RAB27A: variants seen among roughly 807,000 people sequenced by gnomAD.
RAB27A encodes ras-related protein Rab-27A.
RAB27A carries 17 observed loss-of-function variants against 20.8 expected under a neutral mutation model. The observed-to-expected ratio is 0.82, with a 90% CI of 0.56 to 1.23. RAB27A has a LOEUF of 1.23. Among genes scored for constraint, RAB27A ranks in the 50% most tolerant of loss-of-function variants. The pLI, the probability that RAB27A is intolerant of heterozygous loss-of-function variation, is 0.00. For synonymous variants in RAB27A, 85 were observed against 92.8 expected, an observed-to-expected ratio of 0.92 and a Z score of 0.48; for missense variants, 277 against 266.7, an observed-to-expected ratio of 1.04 and a Z score of -0.27.
intron 2 of RAB27A, among the ~76,000 whole-genome samples, chr15:55,299,751 ATGGGAC>A (rs989571034): frequency 5.3e-5 from 8 of 152,158 alleles, no homozygotes; most frequent in African/African-American, 1.9e-4. Context: ...AAGGACATTA[ATGGGAC>A]TTGGGAGAAT....
At chr15:55,274,082 A>C (rs1445753691) in intron 1 of RAB27A, among the ~76,000 whole-genome samples, 1 of 152,240 alleles carries the variant, frequency 6.6e-6, no homozygotes, top group East Asian at 1.9e-4. Context: ...ACTAGAAATC[A>C]ATAACAGGAA....
intron 2 of RAB27A, among the ~76,000 whole-genome samples, chr15:55,301,917 A>G (rs1262783869): frequency 1.3e-5 from 2 of 152,016 alleles, no homozygotes; most frequent in African/African-American, 4.8e-5. Context: ...AAGCATTGGG[A>G]TTATAGACAT....
intron 2 of RAB27A, among the ~76,000 whole-genome samples, chr15:55,311,128 A>C (rs2055018708): frequency 6.6e-6 from 1 of 152,098 alleles, no homozygotes; most frequent in South Asian, 2.1e-4. Flanking sequence ...CATTGACCTG[A>C]CTGAGATACC....
chr15:55,241,990 CCTCT>C (rs140483104), intron 2 of RAB27A, among the ~76,000 whole-genome samples: 3 of 149,704 alleles, frequency 2.0e-5, no homozygotes, highest in Non-Finnish European at 3.0e-5. Context: ...TCTATTTCTC[CCTCT>C]CTCTCTCTCT....
At position 55,203,065 on chromosome 15, in the gene RAB27A, T is replaced by C. The variant is rs1894469088; in HGVS notation, c.*2442A>G. On this transcript the variant is annotated 3_prime_UTR_variant, in exon 7 of 7. Transcript: ENST00000336787. ...ATAGGCTTGTAAATAGAAAAATACA[T>C]TGATGCACAAAAAATATAGTACTTC... 6.6e-6 allele frequency: 1 copy of C among 152,188 alleles called. No homozygotes were observed. The highest frequency in any genetic ancestry group is 2.1e-4 in the South Asian group (1 of 4,836). The allele number at this position is 152,188 out of a possible 1,614,324, so 9.4% of individuals were successfully genotyped here.
At chr15:55,215,800 G>A (rs918066523) in intron 6 of RAB27A, among the ~76,000 whole-genome samples, 1 of 151,666 alleles carries the variant, frequency 6.6e-6, no homozygotes, top group Non-Finnish European at 1.5e-5. Context: ...ACAAAAATTA[G>A]CCAGGCGTGG....
intron 1 of RAB27A, among the ~76,000 whole-genome samples, chr15:55,274,890 A>T (rs1897820081): frequency 6.7e-6 from 1 of 149,166 alleles, no homozygotes; most frequent in African/African-American, 2.5e-5. Context: ...CAAATAAATA[A>T]AATTATAAAT....
intron 2 of RAB27A, among the ~76,000 whole-genome samples, chr15:55,246,307 G>C (rs1490061011): frequency 1.3e-5 from 2 of 152,062 alleles, no homozygotes; most frequent in Non-Finnish European, 2.9e-5. Flanking sequence ...ACATAACCCA[G>C]TAGGCAAATA....
At chr15:55,317,932 C>G in intron 1 of RAB27A, 1 of 382,544 alleles carries the variant, frequency 2.6e-6, no homozygotes, top group Non-Finnish European at 4.6e-6. Context: ...GATGTTATGT[C>G]ACTACTTTGC....
chr15:55,242,452 C>G (rs971905299), intron 2 of RAB27A, among the ~76,000 whole-genome samples: 5 of 152,146 alleles, frequency 3.3e-5, no homozygotes, highest in Admixed American at 2.0e-4. Flanking sequence ...GTACTAATCT[C>G]ATTGGGTTGT....
At chr15:55,227,079 A>G (rs1251967177) in intron 5 of RAB27A, among the ~76,000 whole-genome samples, 1 of 152,200 alleles carries the variant, frequency 6.6e-6, no homozygotes, top group Non-Finnish European at 1.5e-5. Context: ...AAAATCTTCA[A>G]TACGTATAAG....
Position 55,250,975 on chromosome 15 carries a change from C to T in RAB27A, c.-22-16019G>A, listed in dbSNP as rs796976694. The stretch of plus-strand genomic sequence containing the variant: ...AGGAGTGAAGGTCAAGACACCAACG[C>T]CCATAGACCCAACAAGGACATAAGA... On this transcript the variant is annotated intron_variant, in intron 2 of 6. Coordinates refer to ENST00000336787, the MANE Select transcript of RAB27A (RefSeq NM_183235.3). Among the ~76,000 whole-genome samples, 31 of 152,318 alleles carry T rather than the reference C, an allele frequency of 2.0e-4. 1 individual carries two copies. Among genetic ancestry groups the T allele is most frequent in the African/African-American group, 6.7e-4 (28 of 41,568 alleles).
At chr15:55,256,114 T>C (rs986138489) in intron 2 of RAB27A, among the ~76,000 whole-genome samples, 1 of 151,710 alleles carries the variant, frequency 6.6e-6, no homozygotes, top group Non-Finnish European at 1.5e-5. Flanking sequence ...GGCTGGGAGG[T>C]CAGAAAAGGG....
At chr15:55,286,033 A>T (rs926875261) in intron 1 of RAB27A, among the ~76,000 whole-genome samples, 5 of 152,126 alleles carry the variant, frequency 3.3e-5, no homozygotes, top group African/African-American at 1.2e-4. Flanking sequence ...GACTTAGGAG[A>T]TGTTGGTGTA....
chr15:55,317,952 A>G (rs975937732), intron 1 of RAB27A: 15 of 379,010 alleles, frequency 4.0e-5, no homozygotes, highest in Non-Finnish European at 5.1e-5. Context: ...CACTGGAGTG[A>G]ACAATATTTT....
intron 2 of RAB27A, among the ~76,000 whole-genome samples, chr15:55,243,553 G>A (rs1357895761): frequency 1.3e-5 from 2 of 151,678 alleles, no homozygotes; most frequent in African/African-American, 4.8e-5. Flanking sequence ...CTTCTTGGGA[G>A]GCTGAGGCAA....
chr15:55,210,101 T>A (rs575464813), intron 6 of RAB27A, among the ~76,000 whole-genome samples: 1 of 146,458 alleles, frequency 6.8e-6, no homozygotes, highest in Non-Finnish European at 1.5e-5. Flanking sequence ...TATGTGTGTA[T>A]ATATACACAC....
chr15:55,230,536 C>A, intron 3 of RAB27A, 50 bp from the exon 4 acceptor site: 1 of 1,462,824 alleles, frequency 6.8e-7, no homozygotes, highest in South Asian at 1.1e-5. Context: ...CTAACACCAG[C>A]GAACCTTCTC....
intron 1 of RAB27A, among the ~76,000 whole-genome samples, chr15:55,315,877 A>G (rs2055041091): frequency 6.6e-6 from 1 of 152,234 alleles, no homozygotes; most frequent in African/African-American, 2.4e-5. Flanking sequence ...CAGAAATGCC[A>G]TTTGACCCAG....
Sources: allele counts gnomAD v4.1 joint callset (sites outside exome capture counted in the v4.1 genomes callset), GRCh38; gene constraint gnomAD v4.1.1; transcripts MANE v1.5; gene names NCBI Gene and HGNC (gene_info 2026-07-23, HGNC 2026-07-21).